Variants in LONP2 observed in about 807,000 individuals in gnomAD.
LONP2 encodes the protein lon protease homolog 2, peroxisomal.
A neutral mutation model predicts 85.6 loss-of-function variants in LONP2; 60 were observed. The ratio of observed to expected loss-of-function variants is 0.70; its 90% confidence interval spans 0.57 to 0.87. The LOEUF (loss-of-function observed/expected upper bound fraction) is 0.87, where lower values mean the gene tolerates loss of function less well. Ranked by LOEUF, LONP2 falls within the 40% of genes least tolerant of loss-of-function variation. The pLI is 0.00. For missense variants in LONP2, 860 were observed against 1,063.5 expected, an observed-to-expected ratio of 0.81 and a Z score of 2.66; for synonymous variants, 395 against 389.7, an observed-to-expected ratio of 1.01 and a Z score of -0.16.
At position 48,362,885 on chromosome 16, in the gene LONP2, C is replaced by T. The variant is rs1960653144; in HGVS notation, c.*1022C>T. ...TTACAGGTGAACTCCTGTATAAAAT[C>T]GGCACTCTGTATCCACACGGTCTGC... On this transcript the variant is annotated 3_prime_UTR_variant, in exon 5 of 5. Coordinates refer to the LONP2 transcript ENST00000565867. The surrounding 1 kb of genome is among the most constrained non-coding windows in gnomAD (Gnocchi z 4.2). The T allele has an allele frequency of 5.9e-6, 1 of 168,968 alleles. No individual in the cohort carries two copies. Among genetic ancestry groups the T allele is most frequent in the Non-Finnish European group, 1.4e-5 (1 of 69,820 alleles). 10.5% of individuals were successfully genotyped at this position (168,968 alleles called of 1,614,324 possible).
rs1219188387 is a variant in LONP2, at chr16:48,293,627, G to A, written c.1384-2388G>A. On this transcript the variant is annotated intron_variant, in intron 8 of 14. Coordinates refer to ENST00000285737, the MANE Select transcript of LONP2 (RefSeq NM_031490.5). The stretch of plus-strand genomic sequence containing the variant: ...TTCTAAGAGGAAGAATTGGGGTTAC[G>A]GGGGATTCTCACTAGAAGGACACAA... Among the ~76,000 whole-genome samples the A allele has an allele frequency of 3.3e-5, 5 of 152,188 alleles. No homozygotes were observed. In the East Asian group the frequency reaches 7.7e-4, roughly 24 times the overall value.
chr16:48,351,016 C>T (rs1310178185), intron 14 of LONP2, among the ~76,000 whole-genome samples: 1 of 152,170 alleles, frequency 6.6e-6, no homozygotes, highest in East Asian at 1.9e-4. Flanking sequence ...TCACTCCCAC[C>T]ACACTCTGTT....
chr16:48,334,464 A>G (rs1457313621), intron 12 of LONP2, 106 bp downstream of exon 12: 2 of 1,378,942 alleles, frequency 1.5e-6, no homozygotes, highest in East Asian at 4.6e-5. Context: ...TTGGGGAAGG[A>G]ATAGCCTTAT....
At position 48,244,798 on chromosome 16, in the gene LONP2, C is replaced by G. The variant is rs555159954; in HGVS notation, c.233+177C>G. Among the ~76,000 whole-genome samples, 44 of 152,300 alleles carry G rather than the reference C, an allele frequency of 2.9e-4. 2 individuals are homozygous for G. The South Asian group carries it at 7.3e-3, about 25-fold the overall frequency. ...GGGATGTCAGATACCTGCCCCATGACCATGAATGAGATCGTTCATGAAGTA... is the reference window on the plus strand; with the variant it reads ...GGGATGTCAGATACCTGCCCCATGAGCATGAATGAGATCGTTCATGAAGTA... On this transcript the variant is annotated intron_variant, in intron 1 of 14. Transcript: ENST00000285737.
chr16:48,252,386 C>A, intron 2 of LONP2, 21 bp downstream of exon 2: 4 of 1,487,036 alleles, frequency 2.7e-6, no homozygotes, highest in South Asian at 1.3e-5. Flanking sequence ...TTTATTTTTT[C>A]TTAAAACCCA....
intron 12 of LONP2, among the ~76,000 whole-genome samples, chr16:48,342,850 T>G (rs1482193077): frequency 6.6e-6 from 1 of 152,206 alleles, no homozygotes; most frequent in African/African-American, 2.4e-5. Context: ...AGAAACCAGT[T>G]GATGGTGTGA....
At chr16:48,330,925 C>G (rs1287369369) in intron 11 of LONP2, among the ~76,000 whole-genome samples, 1 of 152,194 alleles carries the variant, frequency 6.6e-6, no homozygotes, top group Non-Finnish European at 1.5e-5. Context: ...GAACGCTGAA[C>G]CCCGTACTAC....
intron 7 of LONP2, among the ~76,000 whole-genome samples, chr16:48,275,540 C>T (rs1972189589): frequency 6.6e-6 from 1 of 152,082 alleles, no homozygotes; most frequent in Non-Finnish European, 1.5e-5. Flanking sequence ...GTAGACATTG[C>T]ATTATTAGAG....
rs1328067330 is a variant in LONP2, at chr16:48,296,183, CATT to C, written c.1534+21_1534+23del. 1 of 1,611,402 alleles carries C rather than the reference CATT, an allele frequency of 6.2e-7. No individual in the cohort carries two copies. On this transcript the variant is annotated intron_variant, in intron 9 of 14. Coordinates refer to ENST00000285737, the MANE Select transcript of LONP2 (RefSeq NM_031490.5). ...GGTTCCAGGTACCTGACTCTTAAATCATTATGATACATCTTGCCTTTCTGACCA... is the reference window on the plus strand; with the variant it reads ...GGTTCCAGGTACCTGACTCTTAAATCATGATACATCTTGCCTTTCTGACCA...
intron 8 of LONP2, among the ~76,000 whole-genome samples, chr16:48,290,976 A>G (rs1972547495): frequency 6.6e-6 from 1 of 152,206 alleles, no homozygotes; most frequent in East Asian, 1.9e-4. Flanking sequence ...ATACAAAATG[A>G]TACTTATCAC....
At chr16:48,313,936 A>C (rs1454501544) in intron 11 of LONP2, among the ~76,000 whole-genome samples, 2 of 152,196 alleles carry the variant, frequency 1.3e-5, no homozygotes, top group African/African-American at 4.8e-5. Flanking sequence ...GTGTAAAAGC[A>C]TTCCTTATTC....
At chr16:48,325,095 A>G (rs538312145) in intron 11 of LONP2, among the ~76,000 whole-genome samples, 1 of 152,302 alleles carries the variant, frequency 6.6e-6, no homozygotes, top group East Asian at 1.9e-4. Context: ...GTTTCAGGAT[A>G]AAACTCTTCC....
chr16:48,334,973 T>C (rs1461525896), intron 12 of LONP2: 4 of 294,306 alleles, frequency 1.4e-5, no homozygotes, highest in Non-Finnish European at 2.7e-5. Flanking sequence ...GAGGCTGAAT[T>C]TTGCCTTAAG....
At chr16:48,298,751 T>G (rs1016016746) in intron 9 of LONP2, among the ~76,000 whole-genome samples, 17 of 151,998 alleles carry the variant, frequency 1.1e-4, no homozygotes, top group Non-Finnish European at 2.9e-5. Flanking sequence ...GATAAAGAGA[T>G]AATTGTCTCT....
intron 1 of LONP2, among the ~76,000 whole-genome samples, chr16:48,246,983 A>G (rs1971422313): frequency 4.9e-5 from 1 of 20,400 alleles, no homozygotes; most frequent in Non-Finnish European, 9.7e-5. Context: ...CTTGATGTTC[A>G]TATTATTGCC....
At chr16:48,357,650 A>G (rs1256574099), downstream of LONP2, among the ~76,000 whole-genome samples, 2 of 152,182 alleles carry the variant, frequency 1.3e-5, no homozygotes, top group South Asian at 2.1e-4. Context: ...TGGATTACTT[A>G]CCAATTCTTC....
At chr16:48,290,993 G>A (rs1972548200) in intron 8 of LONP2, among the ~76,000 whole-genome samples, 1 of 152,226 alleles carries the variant, frequency 6.6e-6, no homozygotes, top group African/African-American at 2.4e-5. Context: ...TCACTTTGGT[G>A]ATTCCAAGGA....
At chr16:48,361,521 C>A, downstream of LONP2, 5 of 1,563,326 alleles carry the variant, frequency 3.2e-6, no homozygotes, top group Non-Finnish European at 4.4e-6. Flanking sequence ...CAGATGGGTG[C>A]CTTATTTTCT....
Position 48,355,879 on chromosome 16 carries a change from AT to A in LONP2, c.*4081del, listed in dbSNP as rs1042122593. ...TTAAACTAGACTTAGGGATATGTGT[AT>A]TTTACCGGTATTCCACGTTTTATGC... On this transcript the variant is annotated 3_prime_UTR_variant, in exon 15 of 15. Transcript: ENST00000285737. 6.6e-6 allele frequency: 1 copy of A among 152,206 alleles called. No homozygotes were observed. Among genetic ancestry groups the A allele is most frequent in the African/African-American group, 2.4e-5 (1 of 41,450 alleles). 9.4% of individuals were successfully genotyped at this position (152,206 alleles called of 1,614,324 possible). A position where few individuals can be genotyped will look rare whatever the true frequency, so the allele number is the denominator to read the frequency against.
Sources: allele counts gnomAD v4.1 joint callset (sites outside exome capture counted in the v4.1 genomes callset), GRCh38; gene constraint gnomAD v4.1.1; non-coding constraint Gnocchi (gnomAD v3.1); transcripts MANE v1.5; gene names NCBI Gene and HGNC (gene_info 2026-07-23, HGNC 2026-07-21).